JPT1: variants seen among roughly 807,000 people sequenced by gnomAD.
The protein encoded by JPT1 is androgen-regulated protein 2.
Under a neutral mutation model 17.0 loss-of-function variants are expected in JPT1, and 5 were observed. The observed-to-expected ratio is 0.29, with a 90% CI of 0.15 to 0.62. The LOEUF is 0.62. Ranked by LOEUF, JPT1 falls within the 20% of genes least tolerant of loss-of-function variation. The pLI, the probability that JPT1 is intolerant of heterozygous loss-of-function variation, is 0.85. For missense variants in JPT1, 158 were observed against 188.1 expected, an observed-to-expected ratio of 0.84 and a Z score of 0.94; for synonymous variants, 71 against 73.6, an observed-to-expected ratio of 0.96 and a Z score of 0.18.
intron 4 of JPT1, chr17:75,146,012 G>A (rs751159130): frequency 2.0e-5 from 3 of 152,086 alleles, no homozygotes; most frequent in Admixed American, 6.6e-5. Context: ...CAAGGAGGTT[G>A]AGGCCACAGT....
intron 4 of JPT1, among the ~76,000 whole-genome samples, chr17:75,141,861 G>T (rs1022113162): frequency 1.3e-5 from 2 of 152,074 alleles, no homozygotes; most frequent in African/African-American, 4.8e-5. Flanking sequence ...TTGAGGTCAG[G>T]AGTTCGAGAC....
intron 3 of JPT1, 34 bp downstream of exon 3, chr17:75,147,522 G>A: frequency 4.9e-6 from 7 of 1,442,350 alleles, no homozygotes; most frequent in Non-Finnish European, 6.8e-6. Context: ...ATATTGACCT[G>A]AAAGCCTTTC....
intron 2 of JPT1, 40 bp downstream of exon 2, chr17:75,148,489 G>A (rs2074483365): frequency 3.1e-6 from 5 of 1,608,358 alleles, no homozygotes; most frequent in Middle Eastern, 1.8e-4. Flanking sequence ...TTGATGCTGG[G>A]CCCATCCCTT....
chr17:75,140,850 G>T (rs2145166640), intron 4 of JPT1, among the ~76,000 whole-genome samples: 1 of 152,306 alleles, frequency 6.6e-6, no homozygotes, highest in South Asian at 2.1e-4. Flanking sequence ...CCGACACTTT[G>T]GGAGGCCAAG....
intron 4 of JPT1, among the ~76,000 whole-genome samples, chr17:75,140,226 A>T (rs1281240981): frequency 6.6e-6 from 1 of 151,970 alleles, no homozygotes; most frequent in African/African-American, 2.4e-5. Flanking sequence ...AAATGTTTAG[A>T]AACTTTTATG....
At chr17:75,146,826 G>A (rs2074446963) in intron 3 of JPT1, 142 bp from the exon 4 acceptor site, 2 of 634,032 alleles carry the variant, frequency 3.2e-6, no homozygotes, top group East Asian at 2.8e-5. Flanking sequence ...GGGTCAGTCT[G>A]CTACCTCTAT....
intron 4 of JPT1, among the ~76,000 whole-genome samples, chr17:75,136,676 C>T (rs762968246): frequency 1.3e-5 from 2 of 152,088 alleles, no homozygotes; most frequent in Non-Finnish European, 2.9e-5. Context: ...ATTTTTAGTA[C>T]AGATGGGGTT....
At chr17:75,146,717 CTATTT>C (rs1568034234) in intron 3 of JPT1, 33 bp from the exon 4 acceptor site, 3 of 1,395,362 alleles carry the variant, frequency 2.1e-6, no homozygotes, top group Admixed American at 2.0e-5. Flanking sequence ...AATTTACTTC[CTATTT>C]TAATTTTGGA....
rs1043352219 is a variant in JPT1 at position 75,149,056 on chromosome 17, A to C, written c.57-385T>G. 3 of 1,280,178 alleles carry C rather than the reference A, an allele frequency of 2.3e-6. No individual in the cohort carries two copies. In the African/African-American group the frequency reaches 4.6e-5, roughly 20 times the overall value. The allele number at this position is 1,280,178 out of a possible 1,614,324, so 79.3% of individuals were successfully genotyped here. ...TTAGAAGTATTTCTTGTTATTATTC[A>C]TTTAAAAATCATTTCCAGGCACAGT... On this transcript the variant is annotated intron_variant, in intron 1 of 4. Transcript: ENST00000409753.
At chr17:75,146,816 G>A (rs1284550891) in intron 3 of JPT1, 132 bp from the exon 4 acceptor site, 1 of 653,868 alleles carries the variant, frequency 1.5e-6, no homozygotes, top group Non-Finnish European at 2.7e-6. Flanking sequence ...ATCAAGCACA[G>A]GGTCAGTCTG....
intron 1 of JPT1, among the ~76,000 whole-genome samples, chr17:75,150,267 T>G (rs1048510495): frequency 1.3e-5 from 2 of 152,112 alleles, no homozygotes; most frequent in African/African-American, 4.8e-5. Context: ...TCTTTTTTTT[T>G]TTTGAGGCAC....
chr17:75,149,038 T>C lies in JPT1; in HGVS notation c.57-367A>G, dbSNP rs1215937803. ...ATATACTTTCAAAGAAGTTTAGAAGTATTTCTTGTTATTATTCATTTAAAA... is the reference window on the plus strand; with the variant it reads ...ATATACTTTCAAAGAAGTTTAGAAGCATTTCTTGTTATTATTCATTTAAAA... On this transcript the variant is annotated intron_variant, in intron 1 of 4. Coordinates refer to ENST00000409753, the MANE Select transcript of JPT1 (RefSeq NM_016185.4). The C allele has an allele frequency of 1.0e-5, 13 of 1,278,894 alleles. No homozygotes were observed. The East Asian group carries it at 6.5e-4, about 64-fold the overall frequency. 79.2% of individuals were successfully genotyped at this position (1,278,894 alleles called of 1,614,324 possible). A position where few individuals can be genotyped will look rare whatever the true frequency, so the allele number is the denominator to read the frequency against.
chr17:75,147,687 A>G (rs1418028886), intron 2 of JPT1, 34 bp from the exon 3 acceptor site: 1 of 1,556,194 alleles, frequency 6.4e-7, no homozygotes, highest in South Asian at 1.1e-5. Context: ...TCAGAAATAC[A>G]ATAGAAAAAA....
At chr17:75,136,962 GT>G (rs1435894172) in intron 4 of JPT1, among the ~76,000 whole-genome samples, 4 of 152,150 alleles carry the variant, frequency 2.6e-5, no homozygotes, top group African/African-American at 9.7e-5. Context: ...CATGTAACAT[GT>G]TTTGGTTATA....
chr17:75,137,323 T>TG (rs1351671347), intron 4 of JPT1, among the ~76,000 whole-genome samples: 29 of 95,908 alleles, frequency 3.0e-4, no homozygotes, highest in African/African-American at 8.5e-4. Flanking sequence ...ATTTTTAGTT[T>TG]TTTTGTTTGT....
chr17:75,147,953 G>A (rs1023141244), intron 2 of JPT1: 1 of 360,040 alleles, frequency 2.8e-6, no homozygotes. Context: ...GTGCCAAGAT[G>A]GCACCACTGC....
chr17:75,137,483 A>T (rs931081134), intron 4 of JPT1, among the ~76,000 whole-genome samples: 2 of 151,596 alleles, frequency 1.3e-5, no homozygotes, highest in East Asian at 3.9e-4. Flanking sequence ...CAGTCTCCCA[A>T]ATAGCTGGGA....
Position 75,154,423 on chromosome 17 carries a change from C to A in JPT1, c.-26G>T. On this transcript the variant is annotated 5_prime_UTR_variant, in exon 1 of 5. Transcript: ENST00000409753. ...GGCGCCGAGGAGCGAGGTAGGCTGG[C>A]GCCGGAGCAGAACGCTCAAAGGGTC... The A allele has an allele frequency of 6.5e-7, 1 of 1,545,940 alleles. No homozygotes were observed. Among genetic ancestry groups the A allele is most frequent in the Non-Finnish European group, 8.7e-7 (1 of 1,144,798 alleles).
intron 1 of JPT1, among the ~76,000 whole-genome samples, chr17:75,149,943 T>C (rs1292190312): frequency 6.6e-6 from 1 of 152,106 alleles, no homozygotes; most frequent in African/African-American, 2.4e-5. Context: ...CTCTTCTATC[T>C]CAACCTCACT....
Sources: allele counts gnomAD v4.1 joint callset (sites outside exome capture counted in the v4.1 genomes callset), GRCh38; gene constraint gnomAD v4.1.1; transcripts MANE v1.5; gene names NCBI Gene and HGNC (gene_info 2026-07-23, HGNC 2026-07-21).